The following NFIB variants were observed in gnomAD, a reference collection of about 807,000 sequenced individuals.
NFIB encodes the protein nuclear factor I B, also known as nuclear factor 1 B-type.
A neutral mutation model predicts 61.5 loss-of-function variants in NFIB; 11 were observed. The ratio of observed to expected loss-of-function variants is 0.18; its 90% confidence interval spans 0.11 to 0.30. The LOEUF is 0.30. Ranked by LOEUF, NFIB falls within the 10% of genes least tolerant of loss-of-function variation. The pLI, the probability that NFIB is intolerant of heterozygous loss-of-function variation, is 1.00. For synonymous variants in NFIB, 260 were observed against 216.5 expected, an observed-to-expected ratio of 1.20 and a Z score of -1.76; for missense variants, 471 against 608.9, an observed-to-expected ratio of 0.77 and a Z score of 2.38.
chr9:14,144,365 T>C (rs189811647), intron 6 of NFIB, among the ~76,000 whole-genome samples: 2 of 152,294 alleles, frequency 1.3e-5, no homozygotes, highest in East Asian at 3.9e-4. Flanking sequence ...TCCAGAAGAA[T>C]TTTCTGACAA....
chr9:14,365,449 T>C (rs1455503920), intron 1 of NFIB, among the ~76,000 whole-genome samples: 1 of 152,226 alleles, frequency 6.6e-6, no homozygotes, highest in Non-Finnish European at 1.5e-5. Context: ...CTGTCTGTGT[T>C]CCTGTTGATT....
At chr9:14,382,465 A>C (rs1017469248) in intron 1 of NFIB, among the ~76,000 whole-genome samples, 3 of 152,130 alleles carry the variant, frequency 2.0e-5, no homozygotes, top group African/African-American at 7.2e-5. Flanking sequence ...GTACTGTTGC[A>C]GTGTCAGGGG....
chr9:14,391,721 G>A (rs1417912121), intron 1 of NFIB, among the ~76,000 whole-genome samples: 1 of 152,020 alleles, frequency 6.6e-6, no homozygotes, highest in Non-Finnish European at 1.5e-5. Context: ...GGAAGAATCA[G>A]GGGAGAAAAA....
At chr9:14,459,265 G>A in the NFIB span, among the ~76,000 whole-genome samples, 4 of 152,172 alleles carry the variant, frequency 2.6e-5, no homozygotes, top group East Asian at 7.7e-4. Context: ...AAGAAATGGG[G>A]AAAGGATTCT....
intron 2 of NFIB, chr9:14,180,879 A>G (rs1204509550): frequency 1.3e-5 from 2 of 152,174 alleles, no homozygotes; most frequent in African/African-American, 2.4e-5. Flanking sequence ...AGAAAAGGCA[A>G]TTTTGAACTT....
At chr9:14,125,604 C>A in intron 7 of NFIB, 28 bp downstream of exon 7, 1 of 1,612,772 alleles carries the variant, frequency 6.2e-7, no homozygotes, top group Non-Finnish European at 8.5e-7. Flanking sequence ...AAGAAGGAGG[C>A]TTCTCCTCTA....
At chr9:14,177,748 G>C (rs1470839517) in intron 3 of NFIB, among the ~76,000 whole-genome samples, 1 of 152,092 alleles carries the variant, frequency 6.6e-6, no homozygotes, top group Non-Finnish European at 1.5e-5. Flanking sequence ...AAAGGTTTGA[G>C]TTCCAAGGAA....
rs935431452 is a variant in NFIB, at chr9:14,086,267, TA to T, written c.*2041del. 6 of 220,920 alleles carry T rather than the reference TA, an allele frequency of 2.7e-5. No individual in the cohort carries two copies. The highest frequency in any genetic ancestry group is 6.6e-5 in the East Asian group (1 of 15,248). The allele number at this position is 220,920 out of a possible 1,614,324, so 13.7% of individuals were successfully genotyped here. A position where few individuals can be genotyped will look rare whatever the true frequency, so the allele number is the denominator to read the frequency against. On this transcript the variant is annotated 3_prime_UTR_variant, in exon 11 of 11. Transcript: ENST00000380953. ...CCCCAGAATATATATATATGTATAT[TA>T]AAAAAAATCCCCTGTCCATCTCTCA...
chr9:14,445,377 C>T, the NFIB span, among the ~76,000 whole-genome samples: 1 of 152,046 alleles, frequency 6.6e-6, no homozygotes, highest in Non-Finnish European at 1.5e-5. Flanking sequence ...TTTTCCTGAT[C>T]TTCAAGAGAG....
chr9:14,317,984 ACTT>A (rs1004888958), upstream of NFIB, among the ~76,000 whole-genome samples: 7 of 152,108 alleles, frequency 4.6e-5, no homozygotes, highest in Admixed American at 3.9e-4. Context: ...TGGGCCAAAC[ACTT>A]CTTAAACTTT....
At chr9:14,494,572 G>A in the NFIB span, among the ~76,000 whole-genome samples, 13 of 152,194 alleles carry the variant, frequency 8.5e-5, no homozygotes, top group Non-Finnish European at 1.6e-4. Context: ...GAAGCTGGCA[G>A]AGTATTTGTC....
At position 14,307,656 on chromosome 9, in the gene NFIB, T is replaced by C. The variant is rs2060085279; in HGVS notation, c.31-136A>G. 1 of 846,592 alleles carries C rather than the reference T, an allele frequency of 1.2e-6. No homozygotes were observed. The highest frequency in any genetic ancestry group is 3.3e-5 in the Admixed American group (1 of 30,668). The allele number at this position is 846,592 out of a possible 1,614,324, so 52.4% of individuals were successfully genotyped here. ...TATACATGAAAATAACATTCCTTTC[T>C]TATTTAAAATTATCAAAATAACAGG... On this transcript the variant is annotated intron_variant, in intron 1 of 10. Transcript: ENST00000380953. This position sits in a 1 kb window ranked among gnomAD's most constrained non-coding sequence, Gnocchi z 5.3.
At chr9:14,480,072 A>C in the NFIB span, among the ~76,000 whole-genome samples, 2 of 151,890 alleles carry the variant, frequency 1.3e-5, no homozygotes, top group African/African-American at 2.4e-5. Context: ...TTAATTGCAG[A>C]GATAATCAAA....
chr9:14,283,458 G>A (rs1588117469), intron 2 of NFIB, among the ~76,000 whole-genome samples: 1 of 152,252 alleles, frequency 6.6e-6, no homozygotes, highest in African/African-American at 2.4e-5. Context: ...TTCCATCCTG[G>A]ACCTAATAGT....
chr9:14,317,454 C>T (rs1156502365), upstream of NFIB: 1 of 152,114 alleles, frequency 6.6e-6, no homozygotes, highest in Non-Finnish European at 1.5e-5. Flanking sequence ...GCTGGTTGCA[C>T]TTTGATGACC....
intron 1 of NFIB, among the ~76,000 whole-genome samples, chr9:14,310,705 C>G (rs942731833): frequency 5.3e-5 from 8 of 152,114 alleles, no homozygotes; most frequent in Admixed American, 5.2e-4. Context: ...CAACTTTGCT[C>G]TTTCAGAATT....
chr9:14,501,372 T>C, the NFIB span, among the ~76,000 whole-genome samples: 2 of 152,216 alleles, frequency 1.3e-5, no homozygotes, highest in African/African-American at 2.4e-5. Context: ...TATACAGATT[T>C]CTTGTGCTCT....
At chr9:14,270,425 G>C (rs2057509462) in intron 2 of NFIB, among the ~76,000 whole-genome samples, 1 of 151,942 alleles carries the variant, frequency 6.6e-6, no homozygotes, top group Admixed American at 6.6e-5. Flanking sequence ...CAGGGTAGGA[G>C]CTGCAAGTGT....
At chr9:14,153,274 T>C (rs1214135808) in intron 4 of NFIB, among the ~76,000 whole-genome samples, 1 of 152,036 alleles carries the variant, frequency 6.6e-6, no homozygotes, top group Non-Finnish European at 1.5e-5. Flanking sequence ...GAAAGGAAAG[T>C]AGATTAACAA....
Sources: gnomAD v4.1 joint callset for allele counts (sites outside exome capture counted in the v4.1 genomes callset) on GRCh38, gnomAD v4.1.1 for gene constraint, Gnocchi (gnomAD v3.1) non-coding constraint, MANE v1.5 for transcripts, NCBI Gene and HGNC (gene_info 2026-07-23, HGNC 2026-07-21) for gene names.